RTKN2: variants seen among roughly 807,000 people sequenced by gnomAD.
The protein encoded by RTKN2 is rhotekin 2, also known as rhotekin-2.
A neutral mutation model predicts 71.5 loss-of-function variants in RTKN2; 69 were observed. The ratio of observed to expected loss-of-function variants is 0.96; its 90% CI spans 0.79 to 1.18. The LOEUF (loss-of-function observed/expected upper bound fraction) is 1.18. Among genes scored for constraint, RTKN2 ranks in the 50% most tolerant of loss-of-function variants. The probability of loss-of-function intolerance (pLI) is 0.00; values close to 1 mark genes in which losing one functional copy is unlikely to be tolerated. For missense variants in RTKN2, 724 were observed against 719.7 expected, an observed-to-expected ratio of 1.01 and a Z score of -0.07; for synonymous variants, 236 against 236.5, an observed-to-expected ratio of 1.00 and a Z score of 0.02.
chr10:62,258,862 G>A lies in RTKN2; in HGVS notation c.257+3763C>T, dbSNP rs573516498. Among the ~76,000 whole-genome samples, 109 of 152,182 alleles carry A rather than the reference G, an allele frequency of 7.2e-4. 1 individual carries two copies. Among genetic ancestry groups the A allele is most frequent in the South Asian group, 1.5e-3 (7 of 4,822 alleles). ...AAAAAGCACAGGTTCTTTTTTGGAC[G>A]GAGTGGGAGATGGAGGTACATGGGT... On this transcript the variant is annotated intron_variant, in intron 2 of 11. Transcript: ENST00000373789.
intron 1 of RTKN2, 94 bp downstream of exon 1, chr10:62,268,457 G>A (rs941931018): frequency 6.9e-6 from 8 of 1,160,876 alleles, no homozygotes; most frequent in South Asian, 3.9e-5. Flanking sequence ...AGGAGCGGGG[G>A]AGAGGCTTTC....
chr10:62,226,024 C>A (rs893127837), intron 6 of RTKN2, among the ~76,000 whole-genome samples: 1 of 152,036 alleles, frequency 6.6e-6, no homozygotes, highest in Non-Finnish European at 1.5e-5. Context: ...CCTCATGATC[C>A]ACCTGCCTTG....
intron 1 of RTKN2, among the ~76,000 whole-genome samples, chr10:62,263,099 A>G (rs1346057281): frequency 6.6e-6 from 1 of 152,214 alleles, no homozygotes; most frequent in Admixed American, 6.5e-5. Context: ...GTTTAATAGC[A>G]TCCCTCCAAA....
rs1400806570 is a variant in RTKN2, at chr10:62,223,244, CATTAATAGACAG to C, written c.763_774del (p.Leu255_Asn258del). 1 of 1,578,776 alleles carries C rather than the reference CATTAATAGACAG, an allele frequency of 6.3e-7. No individual in the cohort carries two copies. Among genetic ancestry groups the C allele is most frequent in the Non-Finnish European group, 8.7e-7 (1 of 1,148,428 alleles). On this transcript the variant is annotated inframe_deletion, in exon 7 of 12. Coordinates refer to ENST00000373789, the MANE Select transcript of RTKN2 (RefSeq NM_145307.4). ...AAATATATACTGTACTTACCATTTC[CATTAATAGACAG>C]ATTATGGGTCTTGAAACTATCCTCA...
At chr10:62,242,937 C>T (rs1029789309) in intron 3 of RTKN2, among the ~76,000 whole-genome samples, 2 of 152,000 alleles carry the variant, frequency 1.3e-5, no homozygotes, top group Non-Finnish European at 1.5e-5. Flanking sequence ...GGCCTACAAT[C>T]TATTATCTTC....
At chr10:62,226,206 A>C (rs190495924) in intron 6 of RTKN2, among the ~76,000 whole-genome samples, 131 of 152,312 alleles carry the variant, frequency 8.6e-4, no homozygotes, top group Non-Finnish European at 5.1e-4. Flanking sequence ...ACAAAGAGAG[A>C]TATAGAAGAC....
rs536063305 is a variant in RTKN2 at position 62,268,730 on chromosome 10, G to A, written c.-120C>T. 1.0e-4 allele frequency: 105 copies of A among 1,050,892 alleles called. No individual in the cohort carries two copies. In the African/African-American group the frequency reaches 1.5e-3, roughly 15 times the overall value. 65.1% of individuals were successfully genotyped at this position (1,050,892 alleles called of 1,614,324 possible). On this transcript the variant is annotated 5_prime_UTR_variant, in exon 1 of 12. Transcript: ENST00000373789. Reference sequence around the variant, plus strand: ...CGGCCGTACCAAGTCCCAGTCGCAGGGGCCGGGGGCGCAGGAGGAGCCGGG... The same window carrying A: ...CGGCCGTACCAAGTCCCAGTCGCAGAGGCCGGGGGCGCAGGAGGAGCCGGG...
rs866190499 is a variant in RTKN2, at chr10:62,199,899, A to C, written c.1187-38T>G. 2.4e-6 allele frequency: 3 copies of C among 1,264,040 alleles called. No homozygotes were observed. In the Middle Eastern group the frequency reaches 5.7e-4, roughly 239 times the overall value. 78.3% of individuals were successfully genotyped at this position (1,264,040 alleles called of 1,614,324 possible). A position where few individuals can be genotyped will look rare whatever the true frequency, so the allele number is the denominator to read the frequency against. ...GAAAAAAGGTAGACTAGTTTAAAAC[A>C]TAAATGTGAAGATATATATTTCATT... On this transcript the variant is annotated intron_variant, in intron 10 of 11. Transcript: ENST00000373789.
intron 2 of RTKN2, among the ~76,000 whole-genome samples, chr10:62,252,584 C>T (rs1842601868): frequency 6.6e-6 from 1 of 151,586 alleles, no homozygotes; most frequent in Admixed American, 6.6e-5. Context: ...ATTATCCATT[C>T]CACCAAAGTA....
chr10:62,193,820 TTA>T lies in RTKN2; in HGVS notation c.*4086_*4087del. On this transcript the variant is annotated 3_prime_UTR_variant, in exon 12 of 12. Coordinates refer to ENST00000373789, the MANE Select transcript of RTKN2 (RefSeq NM_145307.4). ...TTAAAAGAGTATACTTTAAGAAGGATTATATGTAAACATTTTAATAATGTTAA... is the reference window on the plus strand; with the variant it reads ...TTAAAAGAGTATACTTTAAGAAGGATTATGTAAACATTTTAATAATGTTAA... 1 of 976,474 alleles carries T rather than the reference TTA, an allele frequency of 1.0e-6. No homozygotes were observed. The highest frequency in any genetic ancestry group is 1.2e-6 in the Non-Finnish European group (1 of 821,864). The allele number at this position is 976,474 out of a possible 1,614,324, so 60.5% of individuals were successfully genotyped here.
chr10:62,203,327 C>A (rs1841483633), intron 10 of RTKN2, among the ~76,000 whole-genome samples: 1 of 148,136 alleles, frequency 6.8e-6, no homozygotes, highest in Admixed American at 6.9e-5. Context: ...AAGTTATACA[C>A]CTGAGATCTG....
intron 7 of RTKN2, among the ~76,000 whole-genome samples, chr10:62,221,429 C>T (rs1841904167): frequency 6.6e-6 from 1 of 151,900 alleles, no homozygotes; most frequent in Non-Finnish European, 1.5e-5. Flanking sequence ...CCTAAATACA[C>T]AGCTATTTGA....
intron 2 of RTKN2, among the ~76,000 whole-genome samples, chr10:62,262,334 C>T (rs899870962): frequency 1.3e-5 from 2 of 152,194 alleles, no homozygotes; most frequent in Admixed American, 6.5e-5. Context: ...TCTTACTCTA[C>T]ATTTCTATCA....
chr10:62,196,240 C>T lies in RTKN2; in HGVS notation c.*1668G>A, dbSNP rs1451133220. ...TCATTTATTGAAATGGCAATCATAA[C>T]AGAAACTTATGAGAGCCTTCTAGTT... On this transcript the variant is annotated 3_prime_UTR_variant, in exon 12 of 12. Transcript: ENST00000373789. 1.0e-6 allele frequency: 1 copy of T among 970,580 alleles called. No individual in the cohort carries two copies. Among genetic ancestry groups the T allele is most frequent in the Non-Finnish European group, 1.2e-6 (1 of 816,750 alleles). The allele number at this position is 970,580 out of a possible 1,614,324, so 60.1% of individuals were successfully genotyped here.
In RTKN2 at chr10:62,268,600, G is replaced by T. The variant is rs866465642; in HGVS notation, c.11C>A (p.Pro4Gln). ...GCGGAGCGCAGGACCCCTCAGGCTC[G>T]GCCCCTCCATCTCCAACGCGAACTG... MEG[P>Q]SLRGPALRLA... The change falls in exon 1 of 12, where the codon CCG (proline) becomes CAG (glutamine). Residue 4 changes from proline to glutamine, a missense_variant. Coordinates refer to ENST00000373789, the MANE Select transcript of RTKN2 (RefSeq NM_145307.4). The T allele has an allele frequency of 3.2e-6, 5 of 1,564,076 alleles. No individual in the cohort carries two copies. Among genetic ancestry groups the T allele is most frequent in the African/African-American group, 1.4e-5 (1 of 74,000 alleles).
rs1416452655 is a variant in RTKN2, at chr10:62,196,251, G to A, written c.*1657C>T. On this transcript the variant is annotated 3_prime_UTR_variant, in exon 12 of 12. Coordinates refer to ENST00000373789, the MANE Select transcript of RTKN2 (RefSeq NM_145307.4). ...AATGGCAATCATAACAGAAACTTAT[G>A]AGAGCCTTCTAGTTAGAAAAAATAA... 2.9e-5 allele frequency: 28 copies of A among 971,428 alleles called. No homozygotes were observed. Among genetic ancestry groups the A allele is most frequent in the Non-Finnish European group, 3.4e-5 (28 of 817,410 alleles). 60.2% of individuals were successfully genotyped at this position (971,428 alleles called of 1,614,324 possible).
chr10:62,243,511 T>A (rs1051544873), intron 3 of RTKN2, among the ~76,000 whole-genome samples: 1 of 152,036 alleles, frequency 6.6e-6, no homozygotes, highest in Non-Finnish European at 1.5e-5. Context: ...GGGACATGGA[T>A]CCTGACTTCC....
intron 2 of RTKN2, among the ~76,000 whole-genome samples, chr10:62,254,948 GAC>G (rs1842647133): frequency 6.6e-6 from 1 of 152,028 alleles, no homozygotes; most frequent in South Asian, 2.1e-4. Context: ...TAGCCTGGGA[GAC>G]ACAGTGAGAC....
At position 62,236,168 on chromosome 10, in the gene RTKN2, T is replaced by TTAGC. The variant is rs1265574506; in HGVS notation, c.580_583dup (p.Lys195SerfsTer2). The stretch of plus-strand genomic sequence containing the variant: ...TTTACTTATAGATGTCTTGAGTTTC[T>TTAGC]TAGCTAGCTTTTTTGGTGTGTTGGT... On this transcript the variant is annotated stop_gained and frameshift_variant, in exon 6 of 12. Coordinates refer to ENST00000373789, the MANE Select transcript of RTKN2 (RefSeq NM_145307.4). LOFTEE classifies it high-confidence loss of function. 6.2e-7 allele frequency: 1 copy of TTAGC among 1,611,638 alleles called. No individual in the cohort carries two copies. The highest frequency in any genetic ancestry group is 1.7e-5 in the Admixed American group (1 of 59,842).
Sources: allele counts gnomAD v4.1 joint callset (sites outside exome capture counted in the v4.1 genomes callset), GRCh38; gene constraint gnomAD v4.1.1; transcripts MANE v1.5; gene names NCBI Gene and HGNC (gene_info 2026-07-23, HGNC 2026-07-21).